The following LMNA variants were observed in gnomAD, a reference collection of about 807,000 sequenced individuals.
LMNA encodes lamin.
LMNA carries 20 observed loss-of-function variants against 70.4 expected under a neutral mutation model. The observed-to-expected ratio is 0.28, with a 90% CI of 0.20 to 0.41. The LOEUF is 0.41. Among genes scored for constraint, LMNA ranks in the 10% least tolerant of loss-of-function variants. The pLI, the probability that LMNA is intolerant of heterozygous loss-of-function variation, is 1.00. For missense variants in LMNA, 652 were observed against 917.2 expected (o/e 0.71, Z 3.73); for synonymous variants, 339 against 372.8 (o/e 0.91, Z 1.04).
Position 156,130,659 on chromosome 1 carries a change from G to T in LMNA, c.399G>T (p.Arg133=). The T allele has an allele frequency of 6.2e-7, 1 of 1,614,046 alleles. No homozygotes were observed. The highest frequency in any genetic ancestry group is 1.1e-5 in the South Asian group (1 of 91,072). Residue 133 remains arginine, a synonymous_variant, in exon 2 of 12, where the codon CGG becomes CGT. Transcript: ENST00000368300. The stretch of plus-strand genomic sequence containing the variant: ...GTGACCTGATAGCTGCTCAGGCTCG[G>T]CTGAAGGACCTGGAGGCTCTGCTGA... The part of the protein sequence containing the change: ...KEGDLIAAQA[R]LKDLEALLNS...
intron 3 of LMNA, among the ~76,000 whole-genome samples, chr1:156,091,805 G>A (rs529571324): frequency 6.6e-6 from 1 of 152,268 alleles, no homozygotes; most frequent in East Asian, 1.9e-4. Flanking sequence ...GATCATCACT[G>A]CAAAGAAAGA....
chr1:156,102,539 G>C (rs1482471505), intron 3 of LMNA, among the ~76,000 whole-genome samples: 3 of 152,146 alleles, frequency 2.0e-5, no homozygotes, highest in Admixed American at 6.5e-5. Flanking sequence ...ACCCTCGAGA[G>C]AGCTGAATTT....
upstream of LMNA, among the ~76,000 whole-genome samples, chr1:156,110,054 G>T (rs2102809248): frequency 6.6e-6 from 1 of 152,000 alleles, no homozygotes; most frequent in Non-Finnish European, 1.5e-5. Context: ...TGTTGGCCAG[G>T]TTGGTCTTGA....
At chr1:156,125,409 T>C (rs1400707298) in intron 1 of LMNA, among the ~76,000 whole-genome samples, 1 of 152,068 alleles carries the variant, frequency 6.6e-6, no homozygotes, top group Admixed American at 6.6e-5. Flanking sequence ...CAGGAGGGGC[T>C]GGGTGTGGTG....
upstream of LMNA, chr1:156,114,629 G>T: frequency 1.4e-5 from 4 of 284,072 alleles, no homozygotes; most frequent in East Asian, 6.8e-5. Flanking sequence ...CAATGGATCT[G>T]GGACTGCCCC....
At chr1:156,129,325 A>T (rs1243980540) in intron 1 of LMNA, among the ~76,000 whole-genome samples, 1 of 150,724 alleles carries the variant, frequency 6.6e-6, no homozygotes, top group Non-Finnish European at 1.5e-5. Context: ...CCTTTTTTGG[A>T]CTCTCCTAAG....
chr1:156,132,827 C>CTT (rs1293462150), intron 2 of LMNA, among the ~76,000 whole-genome samples: 4 of 143,448 alleles, frequency 2.8e-5, no homozygotes, highest in African/African-American at 1.0e-4. Context: ...GTTCTCCTCT[C>CTT]TCTCTCTCTC....
chr1:156,126,155 G>A (rs1043543110), intron 1 of LMNA: 1 of 1,519,164 alleles, frequency 6.6e-7, no homozygotes, highest in South Asian at 1.2e-5. Flanking sequence ...ATGCCCAGGG[G>A]CTGGGAGACC....
At position 156,139,157 on chromosome 1, in the gene LMNA, C is replaced by T. The variant is rs1351595164; in HGVS notation, c.*51C>T. The T allele has an allele frequency of 2.1e-5, 34 of 1,612,702 alleles. No individual in the cohort carries two copies. The highest frequency in any genetic ancestry group is 2.8e-5 in the Non-Finnish European group (33 of 1,179,876). On this transcript the variant is annotated 3_prime_UTR_variant, in exon 12 of 12. Transcript: ENST00000368300. ...GGGTGGAGGCTTCCTGCGTCCTCCTCACCTCATGCCCACCCCCTGCCCTGC... is the reference window on the plus strand; with the variant it reads ...GGGTGGAGGCTTCCTGCGTCCTCCTTACCTCATGCCCACCCCCTGCCCTGC...
chr1:156,126,582 G>A, intron 1 of LMNA: 1 of 834,276 alleles, frequency 1.2e-6, no homozygotes, highest in East Asian at 2.5e-5. Flanking sequence ...CGGGCCTGCT[G>A]CAGCTGGGGA....
chr1:156,088,376 C>T (rs752781242), intron 2 of LMNA, among the ~76,000 whole-genome samples: 1 of 152,032 alleles, frequency 6.6e-6, no homozygotes, highest in Non-Finnish European at 1.5e-5. Context: ...TAATTTTAAT[C>T]AATGAGAATA....
chr1:156,115,067 G>A lies in LMNA; in HGVS notation c.149G>A (p.Arg50His), dbSNP rs60695352. Reference protein sequence around the residue: ...DRLAVYIDRVRSLETENAGLR... With the variant: ...DRLAVYIDRVHSLETENAGLR... ...TTGGCGGTCTACATCGACCGTGTGC[G>A]CTCGCTGGAAACGGAGAACGCAGGG... The change falls in exon 1 of 12, where the codon CGC becomes CAC. Residue 50 changes from arginine to histidine, a missense_variant. Around this residue, in one of 4 missense-constraint regions of LMNA, gnomAD observed 254 missense variants for 421.9 expected, o/e 0.60. Transcript: ENST00000368300. The surrounding 1 kb of genome is among the most constrained non-coding windows in gnomAD (Gnocchi z 5.8). The A allele has an allele frequency of 2.5e-6, 4 of 1,593,670 alleles. No homozygotes were observed. The African/African-American group carries it at 4.0e-5, about 16-fold the overall frequency.
chr1:156,082,636 G>T (rs966043286), exon 1 of LMNA: 6 of 152,318 alleles, frequency 3.9e-5, no homozygotes, highest in African/African-American at 1.2e-4. Context: ...CAGCTCCGGG[G>T]CAAGCTAGGA....
intron 3 of LMNA, among the ~76,000 whole-genome samples, chr1:156,097,839 C>G (rs529095197): frequency 6.6e-6 from 1 of 152,360 alleles, no homozygotes; most frequent in Admixed American, 6.5e-5. Context: ...CACTCTCCTC[C>G]AAGCCCAAGA....
rs892517195 is a variant in LMNA, at chr1:156,126,126, T to A, written c.357-4491T>A. On this transcript the variant is annotated intron_variant, in intron 1 of 11. Transcript: ENST00000368300. ...GTACCCACCCGGCCACAGGGGGCGA[T>A]GTTCCTGGGAGACAGGAAATGCCCA... 2.7e-6 allele frequency: 4 copies of A among 1,483,092 alleles called. No homozygotes were observed. In the African/African-American group the frequency reaches 4.2e-5, roughly 16 times the overall value. 91.9% of individuals were successfully genotyped at this position (1,483,092 alleles called of 1,614,324 possible).
chr1:156,093,187 G>GC (rs1193848422), intron 3 of LMNA, among the ~76,000 whole-genome samples: 2 of 150,186 alleles, frequency 1.3e-5, no homozygotes, highest in African/African-American at 4.9e-5. Flanking sequence ...ACCACTCCCA[G>GC]CCCACATGGA....
intron 3 of LMNA, among the ~76,000 whole-genome samples, chr1:156,099,867 C>CAAAAAA (rs57524097): frequency 6.0e-5 from 6 of 100,238 alleles, no homozygotes; most frequent in Non-Finnish European, 1.1e-4. Context: ...GCCTGGGTGA[C>CAAAAAA]AAAAAAAAAA....
At chr1:156,117,395 C>A (rs898573471) in intron 1 of LMNA, among the ~76,000 whole-genome samples, 1 of 150,180 alleles carries the variant, frequency 6.7e-6, no homozygotes, top group East Asian at 2.0e-4. Flanking sequence ...CCACCACGCC[C>A]GGCTACTTTT....
In LMNA at chr1:156,115,322, G is replaced by A. The variant is rs754981671; in HGVS notation, c.356+48G>A. 2.0e-6 allele frequency: 3 copies of A among 1,529,468 alleles called. No individual in the cohort carries two copies. The highest frequency in any genetic ancestry group is 2.7e-6 in the Non-Finnish European group (3 of 1,131,580). 94.7% of individuals were successfully genotyped at this position (1,529,468 alleles called of 1,614,324 possible). On this transcript the variant is annotated intron_variant, in intron 1 of 11. Transcript: ENST00000368300. This position sits in a 1 kb window ranked among gnomAD's most constrained non-coding sequence, Gnocchi z 5.8. ...GTGCCTGGCGGGGAGTGGAGAGGGC[G>A]GCGGGCCGGCGCCCCTGGCCGGCCG...
Sources: gnomAD v4.1 joint callset for allele counts (sites outside exome capture counted in the v4.1 genomes callset) on GRCh38, gnomAD v4.1.1 for gene constraint, gnomAD v4.1.1 regional missense constraint, Gnocchi (gnomAD v3.1) non-coding constraint, MANE v1.5 for transcripts, NCBI Gene and HGNC (gene_info 2026-07-23, HGNC 2026-07-21) for gene names.